The following ALDH1A2 variants were observed in gnomAD, a reference collection of about 807,000 sequenced individuals.
ALDH1A2 encodes the protein aldehyde dehydrogenase 1 family member A2.
In ALDH1A2, 27 loss-of-function variants were observed where a neutral mutation model predicts 60.3. The observed-to-expected ratio is 0.45, with a 90% CI of 0.33 to 0.62. The LOEUF is 0.62. Ranked by LOEUF, ALDH1A2 falls within the 20% of genes least tolerant of loss-of-function variation. The pLI, the probability that ALDH1A2 is intolerant of heterozygous loss-of-function variation, is 0.02. For synonymous variants in ALDH1A2, 289 were observed against 232.4 expected (o/e 1.24, Z -2.21); for missense variants, 581 against 643.8 (o/e 0.90, Z 1.06).
intron 4 of ALDH1A2, among the ~76,000 whole-genome samples, chr15:57,995,425 G>A (rs1451875193): frequency 6.6e-6 from 1 of 151,870 alleles, no homozygotes; most frequent in Non-Finnish European, 1.5e-5. Context: ...TGGCAGAGGG[G>A]ACAGCTGAAA....
intron 7 of ALDH1A2, among the ~76,000 whole-genome samples, chr15:57,989,019 T>G (rs1894806158): frequency 6.6e-6 from 1 of 152,124 alleles, no homozygotes; most frequent in African/African-American, 2.4e-5. Flanking sequence ...ATAAAAAAAA[T>G]TAGCCAGGCA....
intron 1 of ALDH1A2, among the ~76,000 whole-genome samples, chr15:58,049,685 C>T (rs1896726620): frequency 6.6e-6 from 1 of 152,048 alleles, no homozygotes; most frequent in South Asian, 2.1e-4. Flanking sequence ...CTGATCACTA[C>T]CCACTTCTGA....
intron 1 of ALDH1A2, among the ~76,000 whole-genome samples, chr15:58,017,063 C>A (rs1295345629): frequency 6.6e-6 from 1 of 152,104 alleles, no homozygotes; most frequent in East Asian, 1.9e-4. Flanking sequence ...TAAAACTGAC[C>A]ATAGAAGCAA....
chr15:58,011,473 C>A (rs1208858639), intron 3 of ALDH1A2, among the ~76,000 whole-genome samples: 1 of 152,084 alleles, frequency 6.6e-6, no homozygotes, highest in Admixed American at 6.6e-5. Context: ...AAGTCCGTAA[C>A]AAAAACAATG....
chr15:58,062,493 T>A (rs1180662886), intron 1 of ALDH1A2, among the ~76,000 whole-genome samples: 3 of 152,212 alleles, frequency 2.0e-5, no homozygotes, highest in Non-Finnish European at 4.4e-5. Flanking sequence ...ATTCCTATAA[T>A]ATCAGTTATA....
intron 12 of ALDH1A2, among the ~76,000 whole-genome samples, chr15:57,955,553 C>G (rs1893492778): frequency 6.6e-6 from 1 of 152,204 alleles, no homozygotes; most frequent in African/African-American, 2.4e-5. Context: ...CACAGACAGG[C>G]AATGACTCTC....
intron 10 of ALDH1A2, 23 bp downstream of exon 10, chr15:57,961,989 T>G (rs1893736573): frequency 6.2e-7 from 1 of 1,614,126 alleles, no homozygotes; most frequent in African/African-American, 1.3e-5. Flanking sequence ...ATGTGGCTTT[T>G]GTAAGAACAG....
At chr15:57,983,030 T>C (rs969229316) in intron 7 of ALDH1A2, among the ~76,000 whole-genome samples, 18 of 152,164 alleles carry the variant, frequency 1.2e-4, no homozygotes, top group Non-Finnish European at 1.8e-4. Flanking sequence ...CCCATCTCTA[T>C]AAGGTTTTTC....
chr15:57,975,640 GACT>G (rs1399872786), intron 7 of ALDH1A2, among the ~76,000 whole-genome samples: 7 of 152,088 alleles, frequency 4.6e-5, no homozygotes, highest in Non-Finnish European at 1.0e-4. Context: ...CCCATAAATG[GACT>G]ACTACTTGGC....
At position 57,960,843 on chromosome 15, in the gene ALDH1A2, T is replaced by C; in HGVS notation, c.1411A>G (p.Ile471Val). The part of the protein sequence containing the change: ...SSAMQAGTVW[I>V]NCYNALNAQS... The stretch of plus-strand genomic sequence containing the variant: ...GCATTTAAGGCATTGTAACAATTGA[T>C]CCTGAAAGAAGAAAACATAGCACTG... The change falls in exon 12 of 13, where the codon ATC becomes GTC. Residue 471 changes from isoleucine (I) to valine (V), a missense_variant and splice_region_variant. Coordinates refer to ENST00000249750, the MANE Select transcript of ALDH1A2 (RefSeq NM_003888.4). 1 of 1,613,798 alleles carries C rather than the reference T, an allele frequency of 6.2e-7. No individual in the cohort carries two copies. The highest frequency in any genetic ancestry group is 1.1e-5 in the South Asian group (1 of 91,074).
rs1424492021 is a variant in ALDH1A2 at position 58,062,542 on chromosome 15, AG to A, written c.117+2991del. The stretch of plus-strand genomic sequence containing the variant: ...GTCAGACTAATAAAATAGACAACTC[AG>A]AAAATTTTAAATTCATAAACACATC... On this transcript the variant is annotated intron_variant, in intron 1 of 12. Transcript: ENST00000249750. Among the ~76,000 whole-genome samples, 359 of 152,370 alleles carry A rather than the reference AG, an allele frequency of 2.4e-3. 1 individual carries two copies. Among genetic ancestry groups the A allele is most frequent in the African/African-American group, 8.3e-3 (346 of 41,592 alleles).
In ALDH1A2 at chr15:57,960,942, C is replaced by T; in HGVS notation, c.1410-98G>A. 5.7e-6 allele frequency: 8 copies of T among 1,396,870 alleles called. No homozygotes were observed. In the East Asian group the frequency reaches 7.0e-5, roughly 12 times the overall value. The allele number at this position is 1,396,870 out of a possible 1,614,324, so 86.5% of individuals were successfully genotyped here. A position where few individuals can be genotyped will look rare whatever the true frequency, so the allele number is the denominator to read the frequency against. ...TTTTAGAAGTTTTATTTTTAAATTCCTTTCCTCCAGAGGAAAAAATTGTAA... is the reference window on the plus strand; with the variant it reads ...TTTTAGAAGTTTTATTTTTAAATTCTTTTCCTCCAGAGGAAAAAATTGTAA... On this transcript the variant is annotated intron_variant, in intron 11 of 12. Coordinates refer to ENST00000249750, the MANE Select transcript of ALDH1A2 (RefSeq NM_003888.4).
At chr15:58,050,650 G>A (rs559798385) in intron 1 of ALDH1A2, among the ~76,000 whole-genome samples, 92 of 152,166 alleles carry the variant, frequency 6.0e-4, no homozygotes, top group South Asian at 1.2e-3. Context: ...TTCATCAACC[G>A]GAATATTAAT....
chr15:58,003,316 G>A (rs1275549413), intron 4 of ALDH1A2, among the ~76,000 whole-genome samples: 1 of 151,782 alleles, frequency 6.6e-6, no homozygotes, highest in African/African-American at 2.4e-5. Flanking sequence ...CTCTTATTCT[G>A]ATGGAACAAG....
chr15:57,956,358 C>T (rs34185692), intron 12 of ALDH1A2, among the ~76,000 whole-genome samples: 86 of 152,334 alleles, frequency 5.6e-4, no homozygotes, highest in African/African-American at 1.9e-3. Context: ...TTAAGAAAGG[C>T]TGTCTTTTGA....
intron 3 of ALDH1A2, among the ~76,000 whole-genome samples, chr15:58,013,058 C>A (rs897382040): frequency 2.6e-5 from 4 of 152,106 alleles, no homozygotes; most frequent in African/African-American, 9.7e-5. Context: ...AGGAGAAGTT[C>A]GTTATGTGAG....
chr15:57,992,301 T>C (rs545288984), intron 7 of ALDH1A2, among the ~76,000 whole-genome samples: 2 of 152,308 alleles, frequency 1.3e-5, no homozygotes, highest in Admixed American at 6.5e-5. Flanking sequence ...TTAAGGTTCA[T>C]GGGGTATAGT....
chr15:58,054,402 T>C (rs1896846370), intron 1 of ALDH1A2, among the ~76,000 whole-genome samples: 1 of 152,110 alleles, frequency 6.6e-6, no homozygotes, highest in African/African-American at 2.4e-5. Context: ...TAATGAAACA[T>C]TAATTGTGCA....
intron 4 of ALDH1A2, among the ~76,000 whole-genome samples, chr15:58,007,112 CAACAATATATATTA>C (rs1485453203): frequency 4.0e-5 from 6 of 151,744 alleles, no homozygotes; most frequent in African/African-American, 1.5e-4. Flanking sequence ...GTTCATAAAT[CAACAATATATATTA>C]AACAAAGAAT....
Sources: gnomAD v4.1 joint callset for allele counts (sites outside exome capture counted in the v4.1 genomes callset) on GRCh38, gnomAD v4.1.1 for gene constraint, MANE v1.5 for transcripts, NCBI Gene and HGNC (gene_info 2026-07-23, HGNC 2026-07-21) for gene names.